CCDC50: variants seen among roughly 807,000 people sequenced by gnomAD.
The protein encoded by CCDC50 is coiled-coil domain containing 50, also known as coiled-coil domain-containing protein 50.
A neutral mutation model predicts 70.2 loss-of-function variants in CCDC50; 54 were observed. The ratio of observed to expected loss-of-function variants is 0.77; its 90% CI spans 0.62 to 0.96. CCDC50 has a LOEUF of 0.96. Ranked by LOEUF, CCDC50 falls within the 50% of genes least tolerant of loss-of-function variation. The pLI, the probability that CCDC50 is intolerant of heterozygous loss-of-function variation, is 0.00. For missense variants in CCDC50, 558 were observed against 578.7 expected (o/e 0.96, Z 0.37); for synonymous variants, 216 against 198.8 (o/e 1.09, Z -0.73).
At chr3:191,335,665 C>G (rs1286033147) in intron 1 of CCDC50, among the ~76,000 whole-genome samples, 1 of 151,848 alleles carries the variant, frequency 6.6e-6, no homozygotes, top group Non-Finnish European at 1.5e-5. Context: ...AGTTTTTAGC[C>G]TACATTGAGA....
chr3:191,339,555 A>G lies in CCDC50; in HGVS notation c.49+9832A>G, dbSNP rs542496930. Among the ~76,000 whole-genome samples, 4 of 152,314 alleles carry G rather than the reference A, an allele frequency of 2.6e-5. No individual in the cohort carries two copies. In the East Asian group the frequency reaches 5.8e-4, roughly 22 times the overall value. The stretch of plus-strand genomic sequence containing the variant: ...CAAACTGTAGGTTGTACTGAAGCCA[A>G]TTTCAGTAGCAATCATAGAGAAATC... On this transcript the variant is annotated intron_variant, in intron 1 of 11. Transcript: ENST00000392455.
At chr3:191,347,585 C>G (rs148076159) in intron 1 of CCDC50, among the ~76,000 whole-genome samples, 2,190 of 142,610 alleles carry the variant, frequency 0.015, 432 homozygotes, top group Non-Finnish European at 0.024. Flanking sequence ...TATTACAAAT[C>G]TCAGCCATCA....
chr3:191,344,122 G>A (rs543612949), intron 1 of CCDC50, among the ~76,000 whole-genome samples: 7 of 152,318 alleles, frequency 4.6e-5, no homozygotes, highest in East Asian at 1.9e-4. Context: ...ATGGCAAAGC[G>A]AATTATGCAG....
chr3:191,382,860 T>C, intron 10 of CCDC50, 35 bp downstream of exon 10: 1 of 1,486,336 alleles, frequency 6.7e-7, no homozygotes. Flanking sequence ...ATGAGGAAGT[T>C]GACTTTGGGG....
At chr3:191,350,343 A>G (rs293799) in intron 1 of CCDC50, among the ~76,000 whole-genome samples, 11,148 of 141,758 alleles carry the variant, frequency 0.079, 2,068 homozygotes, top group East Asian at 0.21. Flanking sequence ...CTTTCAAAGC[A>G]GAGTATATAG....
intron 1 of CCDC50, among the ~76,000 whole-genome samples, chr3:191,341,372 G>C (rs1711724095): frequency 6.6e-6 from 1 of 152,086 alleles, no homozygotes; most frequent in South Asian, 2.1e-4. Context: ...TTATTTTACA[G>C]ATGAGGAACC....
chr3:191,333,139 A>T (rs1156587894), intron 1 of CCDC50, among the ~76,000 whole-genome samples: 1 of 152,064 alleles, frequency 6.6e-6, no homozygotes, highest in Non-Finnish European at 1.5e-5. Flanking sequence ...TGTGCTTAAC[A>T]TCTGAAATCA....
chr3:191,340,852 T>C (rs1711702037), intron 1 of CCDC50, among the ~76,000 whole-genome samples: 1 of 152,202 alleles, frequency 6.6e-6, no homozygotes, highest in Non-Finnish European at 1.5e-5. Context: ...CTTTTTCTTC[T>C]AGAGACAGGG....
intron 2 of CCDC50, 56 bp from the exon 3 acceptor site, chr3:191,357,940 ATT>A: frequency 6.2e-7 from 1 of 1,609,196 alleles, no homozygotes; most frequent in East Asian, 2.2e-5. Context: ...TTATTATGGC[ATT>A]TATTACTAAC....
intron 11 of CCDC50, among the ~76,000 whole-genome samples, chr3:191,391,049 G>A (rs1256057325): frequency 1.3e-5 from 2 of 152,202 alleles, no homozygotes; most frequent in African/African-American, 2.4e-5. Context: ...AAGTGTCAGA[G>A]TTGTCAGGAT....
At chr3:191,354,864 A>T (rs1712227051) in intron 1 of CCDC50, among the ~76,000 whole-genome samples, 1 of 152,204 alleles carries the variant, frequency 6.6e-6, no homozygotes, top group Non-Finnish European at 1.5e-5. Flanking sequence ...ATTCATACAT[A>T]TTCTACTGTA....
At chr3:191,372,048 T>A (rs1712932590) in intron 5 of CCDC50, among the ~76,000 whole-genome samples, 1 of 152,172 alleles carries the variant, frequency 6.6e-6, no homozygotes, top group African/African-American at 2.4e-5. Context: ...ATTTTAGCAT[T>A]CCCCTCTTAA....
rs1413385460 is a variant in CCDC50 at position 191,397,473 on chromosome 3, G to T, written c.*5713G>T. The T allele has an allele frequency of 6.6e-6, 1 of 152,168 alleles. No homozygotes were observed. Among genetic ancestry groups the T allele is most frequent in the African/African-American group, 2.4e-5 (1 of 41,434 alleles). 9.4% of individuals were successfully genotyped at this position (152,168 alleles called of 1,614,324 possible). A position where few individuals can be genotyped will look rare whatever the true frequency, so the allele number is the denominator to read the frequency against. On this transcript the variant is annotated 3_prime_UTR_variant, in exon 12 of 12. Coordinates refer to ENST00000392455, the MANE Select transcript of CCDC50 (RefSeq NM_178335.3). ...CATAAAGTGTTATAAATATTGAGAA[G>T]ATACACTGGGGAGATAGCATATAAA...
At position 191,365,374 on chromosome 3, in the gene CCDC50, T is replaced by G. The variant is rs183700230; in HGVS notation, c.330+4215T>G. Reference sequence around the variant, plus strand: ...CATGTTCTAAAAGAATATTTACACATTCTTTGGTAATATTTAGAGGCTAGA... The same window carrying G: ...CATGTTCTAAAAGAATATTTACACAGTCTTTGGTAATATTTAGAGGCTAGA... On this transcript the variant is annotated intron_variant, in intron 4 of 11. Transcript: ENST00000392455. Among the ~76,000 whole-genome samples, 48 of 152,124 alleles carry G rather than the reference T, an allele frequency of 3.2e-4. 1 individual carries two copies. The highest frequency in any genetic ancestry group is 1.0e-3 in the African/African-American group (43 of 41,486).
chr3:191,361,797 A>G (rs937905541), intron 4 of CCDC50, among the ~76,000 whole-genome samples: 5 of 152,176 alleles, frequency 3.3e-5, no homozygotes, highest in African/African-American at 9.7e-5. Context: ...AGGGCACACT[A>G]TTCAGCTTAC....
At chr3:191,374,288 A>G (rs1420312309) in intron 5 of CCDC50, among the ~76,000 whole-genome samples, 1 of 152,216 alleles carries the variant, frequency 6.6e-6, no homozygotes, top group Non-Finnish European at 1.5e-5. Context: ...TCTACAAAGA[A>G]TACAATATCA....
chr3:191,374,547 A>G (rs1713025391), intron 5 of CCDC50, among the ~76,000 whole-genome samples: 1 of 152,178 alleles, frequency 6.6e-6, no homozygotes, highest in Non-Finnish European at 1.5e-5. Flanking sequence ...AGATGGAGGC[A>G]TATAAAAATC....
chr3:191,384,260 T>G (rs754554157), intron 10 of CCDC50, among the ~76,000 whole-genome samples: 2 of 152,164 alleles, frequency 1.3e-5, no homozygotes, highest in Non-Finnish European at 2.9e-5. Flanking sequence ...ACATTTGTCT[T>G]TAAATGTCAT....
Position 191,389,589 on chromosome 3 carries a change from G to A in CCDC50, c.1416G>A (p.Glu472=). Residue 472 remains glutamate, a synonymous_variant, in exon 11 of 12, where the codon GAG becomes GAA. Transcript: ENST00000392455. ...QSSTRHFSKS[E]SSHKGFHYKH is the part of the protein sequence containing the mutation. ...CCACACGGCATTTCTCAAAATCAGA[G>A]TCCTCTCATAAAGGTAAGAAGAGTA... 6.2e-7 allele frequency: 1 copy of A among 1,612,722 alleles called. No homozygotes were observed. The highest frequency in any genetic ancestry group is 8.5e-7 in the Non-Finnish European group (1 of 1,178,800).
Sources: allele counts gnomAD v4.1 joint callset (sites outside exome capture counted in the v4.1 genomes callset), GRCh38; gene constraint gnomAD v4.1.1; transcripts MANE v1.5; gene names NCBI Gene and HGNC (gene_info 2026-07-23, HGNC 2026-07-21).